Variants in ZC3H12B observed in about 807,000 individuals in gnomAD.
ZC3H12B encodes the protein zinc finger CCCH-type containing 12B, also known as probable ribonuclease ZC3H12B.
In ZC3H12B, 7 loss-of-function variants were observed where a neutral mutation model predicts 43.9. The ratio of observed to expected loss-of-function variants is 0.16; its 90% CI spans 0.09 to 0.30. ZC3H12B has a LOEUF of 0.30. ZC3H12B is among the 10% of genes least tolerant of loss of function. The pLI, the probability that ZC3H12B is intolerant of heterozygous loss-of-function variation, is 1.00. For synonymous variants in ZC3H12B, 222 were observed against 241.7 expected, an observed-to-expected ratio of 0.92 and a Z score of 0.76; for missense variants, 475 against 670.2, an observed-to-expected ratio of 0.71 and a Z score of 3.22.
In ZC3H12B at chrX:65,415,317, A is replaced by G. The variant is rs188468836; in HGVS notation, n.407+16613A>G. On this transcript the variant is annotated intron_variant and non_coding_transcript_variant, in intron 3 of 5. Coordinates refer to the ZC3H12B transcript ENST00000617377. ...CCCAACTTTGTTAATTCTCTCCTGGATGGAGGAAAAGACATGGAAAGGAAT... is the reference window on the plus strand; with the variant it reads ...CCCAACTTTGTTAATTCTCTCCTGGGTGGAGGAAAAGACATGGAAAGGAAT... Among the ~76,000 whole-genome samples, 200 of 112,756 alleles carry G rather than the reference A, an allele frequency of 1.8e-3. 1 individual carries two copies. Among genetic ancestry groups the G allele is most frequent in the Admixed American group, 5.5e-3 (59 of 10,705 alleles).
At chrX:65,445,239 A>G (rs1260542653) in intron 3 of ZC3H12B, among the ~76,000 whole-genome samples, 2 of 112,139 alleles carry the variant, frequency 1.8e-5, no homozygotes, top group Non-Finnish European at 3.8e-5. Context: ...TGGTGAAGTC[A>G]TGTTTCCTGG....
the ZC3H12B span, among the ~76,000 whole-genome samples, chrX:65,156,442 G>T: frequency 9.0e-6 from 1 of 111,492 alleles, no homozygotes; most frequent in African/African-American, 3.3e-5. Flanking sequence ...GTGCAATGGC[G>T]CAATCTCGTC....
At chrX:65,503,388 G>A in exon 5 of ZC3H12B, 1 of 409,729 alleles carries the variant, frequency 2.4e-6, no homozygotes, top group South Asian at 5.1e-5. Flanking sequence ...TTATAGAGAA[G>A]GAAGGTGAAG....
chrX:65,187,673 T>G, the ZC3H12B span, among the ~76,000 whole-genome samples: 4 of 108,771 alleles, frequency 3.7e-5, no homozygotes, highest in African/African-American at 1.3e-4. Context: ...TTTTTTTTAC[T>G]TTTTTCTGGT....
chrX:65,395,172 C>T (rs1033575292), intron 2 of ZC3H12B, among the ~76,000 whole-genome samples: 3 of 111,719 alleles, frequency 2.7e-5, no homozygotes, highest in African/African-American at 9.8e-5. Context: ...ATTTGACTTC[C>T]TCTCTTCCTA....
chrX:65,400,045 G>A (rs1329208671), intron 3 of ZC3H12B, among the ~76,000 whole-genome samples: 2 of 110,894 alleles, frequency 1.8e-5, no homozygotes, highest in African/African-American at 6.5e-5. Context: ...GGTAGTCGGG[G>A]GATAGGGAAA....
the ZC3H12B span, among the ~76,000 whole-genome samples, chrX:65,144,089 TTGAA>T: frequency 5.4e-5 from 6 of 111,949 alleles, no homozygotes; most frequent in Non-Finnish European, 1.1e-4. Context: ...CAATTTTTCT[TTGAA>T]TGTCTGGTAG....
the ZC3H12B span, among the ~76,000 whole-genome samples, chrX:65,066,593 A>C: frequency 8.9e-6 from 1 of 111,757 alleles, no homozygotes; most frequent in Non-Finnish European, 1.9e-5. Flanking sequence ...GCTGGGAGGT[A>C]TCTCCTAGTC....
the ZC3H12B span, among the ~76,000 whole-genome samples, chrX:65,280,738 A>G: frequency 8.9e-6 from 1 of 111,844 alleles, no homozygotes; most frequent in Non-Finnish European, 1.9e-5. Context: ...GCTGTACACG[A>G]ACAACAAACT....
chrX:65,075,811 C>T, the ZC3H12B span, among the ~76,000 whole-genome samples: 42 of 111,773 alleles, frequency 3.8e-4, no homozygotes, highest in African/African-American at 1.3e-3. Flanking sequence ...TCATGTTGGA[C>T]GTATGTTTCA....
the ZC3H12B span, among the ~76,000 whole-genome samples, chrX:65,207,126 C>A: frequency 5.5e-5 from 6 of 109,296 alleles, no homozygotes; most frequent in Non-Finnish European, 9.5e-5. Flanking sequence ...AAAAGTAGAA[C>A]TATCATTTGA....
chrX:65,174,062 C>A, the ZC3H12B span, among the ~76,000 whole-genome samples: 2 of 111,364 alleles, frequency 1.8e-5, no homozygotes, highest in African/African-American at 6.5e-5. Flanking sequence ...CTGGGTAACA[C>A]CAGTGGAGGC....
chrX:65,277,131 T>C, the ZC3H12B span, among the ~76,000 whole-genome samples: 1 of 111,963 alleles, frequency 8.9e-6, no homozygotes, highest in African/African-American at 3.2e-5. Flanking sequence ...AAATGAGTTA[T>C]ATAATAATAA....
the ZC3H12B span, among the ~76,000 whole-genome samples, chrX:65,179,158 C>CA: frequency 9.1e-6 from 1 of 109,364 alleles, no homozygotes; most frequent in Admixed American, 9.9e-5. Context: ...AACACAGCAA[C>CA]AAAAAACCAA....
intron 3 of ZC3H12B, among the ~76,000 whole-genome samples, chrX:65,460,753 A>G (rs2067729694): frequency 1.8e-5 from 2 of 111,768 alleles, no homozygotes; most frequent in Middle Eastern, 4.6e-3. Flanking sequence ...AACCATAAAA[A>G]CCCTAGAAGA....
the ZC3H12B span, among the ~76,000 whole-genome samples, chrX:65,169,487 G>T: frequency 8.9e-6 from 1 of 111,923 alleles, no homozygotes; most frequent in Admixed American, 9.5e-5. Context: ...GTGCAATATG[G>T]TGCTGAGAAG....
In ZC3H12B at chrX:65,371,299, G is replaced by A. The variant is rs181995563; in HGVS notation, n.295+2301G>A. Among the ~76,000 whole-genome samples the A allele has an allele frequency of 4.1e-4, 46 of 111,309 alleles. 1 individual carries two copies. In the East Asian group the frequency reaches 7.6e-3, roughly 18 times the overall value. Reference sequence around the variant, plus strand: ...CATCTCATTTGAGTCTCATAATAATGACAATATTTTATTATTTATCTTTAC... The same window carrying A: ...CATCTCATTTGAGTCTCATAATAATAACAATATTTTATTATTTATCTTTAC... On this transcript the variant is annotated intron_variant and non_coding_transcript_variant, in intron 2 of 5. Coordinates refer to the ZC3H12B transcript ENST00000617377.
At chrX:65,309,696 A>T in the ZC3H12B span, among the ~76,000 whole-genome samples, 1 of 112,151 alleles carries the variant, frequency 8.9e-6, no homozygotes, top group Non-Finnish European at 1.9e-5. Flanking sequence ...AACGAAAAAG[A>T]GAATTGTAGA....
intron 3 of ZC3H12B, among the ~76,000 whole-genome samples, chrX:65,406,703 GGGC>G (rs1429157303): frequency 2.7e-5 from 3 of 111,155 alleles, no homozygotes; most frequent in Non-Finnish European, 5.7e-5. Flanking sequence ...CCAGAGGCGC[GGGC>G]GGCGGCGGCG....
Sources: gnomAD v4.1 joint callset for allele counts (sites outside exome capture counted in the v4.1 genomes callset) on GRCh38, gnomAD v4.1.1 for gene constraint, MANE v1.5 for transcripts, NCBI Gene and HGNC (gene_info 2026-07-23, HGNC 2026-07-21) for gene names.